HECW2: variants seen among roughly 807,000 people sequenced by gnomAD.
HECW2 encodes HECT, C2 and WW domain containing E3 ubiquitin protein ligase 2.
HECW2 carries 61 observed loss-of-function variants against 175.2 expected under a neutral mutation model. The observed-to-expected ratio is 0.35, with a 90% CI of 0.28 to 0.43. The LOEUF (loss-of-function observed/expected upper bound fraction) is 0.43, where lower values mean the gene tolerates loss of function less well. Ranked by LOEUF, HECW2 falls within the 20% of genes least tolerant of loss-of-function variation. The probability of loss-of-function intolerance (pLI) is 1.00; values close to 1 mark genes in which losing one functional copy is unlikely to be tolerated. For missense variants in HECW2, 1,524 were observed against 2,000.5 expected, an observed-to-expected ratio of 0.76 and a Z score of 4.54; for synonymous variants, 671 against 731.0, an observed-to-expected ratio of 0.92 and a Z score of 1.32.
chr2:196,587,141 T>A (rs1575702227), intron 1 of HECW2, among the ~76,000 whole-genome samples: 1 of 152,222 alleles, frequency 6.6e-6, no homozygotes, highest in East Asian at 1.9e-4. Flanking sequence ...CTTACCTACC[T>A]TTAGCCATAT....
intron 2 of HECW2, among the ~76,000 whole-genome samples, chr2:196,407,582 A>C (rs537413221): frequency 3.3e-5 from 5 of 152,322 alleles, no homozygotes; most frequent in East Asian, 1.9e-4. Context: ...TCCCCAACAC[A>C]GAGAGGAAGG....
intron 26 of HECW2, among the ~76,000 whole-genome samples, chr2:196,219,033 T>C (rs562773971): frequency 3.9e-5 from 6 of 152,172 alleles, no homozygotes; most frequent in Non-Finnish European, 7.4e-5. Context: ...TAAGGCATTT[T>C]TTTACTACAA....
intron 1 of HECW2, among the ~76,000 whole-genome samples, chr2:196,462,216 A>G (rs946959851): frequency 2.0e-5 from 3 of 152,198 alleles, no homozygotes; most frequent in African/African-American, 7.2e-5. Context: ...CATTCAATTT[A>G]TATTTCAAAA....
At chr2:196,352,434 G>A (rs1201706464) in intron 2 of HECW2, among the ~76,000 whole-genome samples, 1 of 152,180 alleles carries the variant, frequency 6.6e-6, no homozygotes, top group African/African-American at 2.4e-5. Flanking sequence ...AAGGTGTGCA[G>A]GACACTATCT....
intron 1 of HECW2, among the ~76,000 whole-genome samples, chr2:196,527,578 G>A (rs562127682): frequency 2.3e-4 from 35 of 152,322 alleles, no homozygotes; most frequent in African/African-American, 7.2e-4. Context: ...CTGAGGCAAC[G>A]TTAAGGGCAA....
intron 18 of HECW2, among the ~76,000 whole-genome samples, chr2:196,254,857 T>C (rs1688991083): frequency 6.6e-6 from 1 of 152,364 alleles, no homozygotes; most frequent in African/African-American, 2.4e-5. Flanking sequence ...CATCTTTCCA[T>C]GGGTTTATTG....
chr2:196,449,001 A>T (rs1032178050), intron 1 of HECW2, among the ~76,000 whole-genome samples: 2 of 152,208 alleles, frequency 1.3e-5, no homozygotes, highest in Non-Finnish European at 2.9e-5. Flanking sequence ...GTACTCAGGA[A>T]TCCTACAGTA....
chr2:196,467,390 G>C (rs1305598070), intron 1 of HECW2, among the ~76,000 whole-genome samples: 1 of 152,084 alleles, frequency 6.6e-6, no homozygotes, highest in Admixed American at 6.5e-5. Context: ...GAAGGAGGGA[G>C]GGAAGGGGAG....
rs144479048 is a variant in HECW2 at position 196,486,031 on chromosome 2, A to G, written c.-35-52573T>C. ...CTTACCAATACCAAATATGGCACCT[A>G]TAATTTCCCCACTATATCTCACAAA... On this transcript the variant is annotated intron_variant, in intron 1 of 28. Coordinates refer to ENST00000644978, the MANE Select transcript of HECW2 (RefSeq NM_001348768.2). Among the ~76,000 whole-genome samples, 1,141 of 152,312 alleles carry G rather than the reference A, an allele frequency of 7.5e-3. 8 individuals carry two copies. Among genetic ancestry groups the G allele is most frequent in the Non-Finnish European group, 0.013 (916 of 68,016 alleles).
At chr2:196,551,229 T>A (rs1689593139) in intron 1 of HECW2, among the ~76,000 whole-genome samples, 2 of 152,090 alleles carry the variant, frequency 1.3e-5, no homozygotes, top group Admixed American at 1.3e-4. Flanking sequence ...ACCAAAAGAA[T>A]AAAAGTTTCA....
At chr2:196,425,687 G>A (rs574253679) in intron 2 of HECW2, among the ~76,000 whole-genome samples, 13 of 152,268 alleles carry the variant, frequency 8.5e-5, no homozygotes, top group Non-Finnish European at 1.6e-4. Context: ...GATAAAACTT[G>A]AATGGATAAG....
intron 1 of HECW2, among the ~76,000 whole-genome samples, chr2:196,534,691 A>G (rs749386474): frequency 2.0e-5 from 3 of 152,182 alleles, no homozygotes; most frequent in Non-Finnish European, 4.4e-5. Context: ...AGCTAAAAGT[A>G]GCTCCCAAGA....
intron 3 of HECW2, among the ~76,000 whole-genome samples, chr2:196,337,221 A>G (rs915103094): frequency 5.3e-5 from 8 of 152,214 alleles, no homozygotes; most frequent in Non-Finnish European, 7.3e-5. Context: ...AGGTAACGGA[A>G]GAATGCTCAG....
At chr2:196,420,907 G>A (rs1369270320) in intron 2 of HECW2, among the ~76,000 whole-genome samples, 3 of 152,142 alleles carry the variant, frequency 2.0e-5, no homozygotes, top group African/African-American at 4.8e-5. Context: ...GGAATTAAAT[G>A]TCGTCAACAA....
At chr2:196,277,936 C>CT (rs1358588593) in intron 15 of HECW2, among the ~76,000 whole-genome samples, 1 of 117,134 alleles carries the variant, frequency 8.5e-6, no homozygotes, top group Non-Finnish European at 1.6e-5. Flanking sequence ...AGTGAGAACA[C>CT]TTGGACACAG....
intron 2 of HECW2, among the ~76,000 whole-genome samples, chr2:196,369,342 G>GTCTGTCTCTCTCTCTCTCTCTCTC: frequency 7.6e-6 from 1 of 131,556 alleles, no homozygotes; most frequent in South Asian, 2.7e-4. Context: ...AACAAATGGA[G>GTCTGTCTCTCTCTCTCTCTCTCTC]TCTCTCTCTC....
intron 2 of HECW2, among the ~76,000 whole-genome samples, chr2:196,361,413 G>T (rs1693582695): frequency 6.6e-6 from 1 of 152,130 alleles, no homozygotes; most frequent in Admixed American, 6.5e-5. Flanking sequence ...TTTAAAATTT[G>T]TCAAAAACCA....
At chr2:196,277,568 C>T (rs1017129561) in intron 15 of HECW2, among the ~76,000 whole-genome samples, 3 of 152,064 alleles carry the variant, frequency 2.0e-5, no homozygotes, top group East Asian at 1.9e-4. Flanking sequence ...GACAGTGTGG[C>T]GATTCCTCAG....
At chr2:196,456,905 C>T in intron 1 of HECW2, among the ~76,000 whole-genome samples, 1 of 152,164 alleles carries the variant, frequency 6.6e-6, no homozygotes, top group Non-Finnish European at 1.5e-5. Context: ...TTCTTTAATA[C>T]ACCAACACAT....
Sources: gnomAD v4.1 joint callset for allele counts (sites outside exome capture counted in the v4.1 genomes callset) on GRCh38, gnomAD v4.1.1 for gene constraint, MANE v1.5 for transcripts, NCBI Gene and HGNC (gene_info 2026-07-23, HGNC 2026-07-21) for gene names.